USH2A: variants seen among roughly 807,000 people sequenced by gnomAD.
USH2A encodes the protein Usher syndrome 2A (autosomal recessive, mild).
USH2A carries 443 observed loss-of-function variants against 538.9 expected under a neutral mutation model. The ratio of observed to expected loss-of-function variants is 0.82; its 90% CI spans 0.76 to 0.89. The LOEUF is 0.89. Ranked by LOEUF, USH2A falls within the 40% of genes least tolerant of loss-of-function variation. The probability of loss-of-function intolerance (pLI) is 0.00; values close to 1 mark genes in which losing one functional copy is unlikely to be tolerated. For synonymous variants in USH2A, 2,413 were observed against 2,273.5 expected (o/e 1.06, Z -1.75); for missense variants, 6,633 against 6,324.8 (o/e 1.05, Z -1.65).
intron 51 of USH2A, among the ~76,000 whole-genome samples, chr1:215,788,527 G>C (rs1661868121): frequency 1.3e-5 from 2 of 151,888 alleles, no homozygotes; most frequent in South Asian, 4.2e-4. Context: ...AAATTGCTAA[G>C]AGAGTAGATC....
At chr1:215,819,755 T>C (rs1013622032) in intron 47 of USH2A, among the ~76,000 whole-genome samples, 5 of 151,794 alleles carry the variant, frequency 3.3e-5, no homozygotes, top group African/African-American at 1.2e-4. Context: ...GCAACATAAC[T>C]GTTAAGTGAG....
At chr1:215,767,100 A>G (rs1012479018) in intron 55 of USH2A, among the ~76,000 whole-genome samples, 7 of 152,140 alleles carry the variant, frequency 4.6e-5, no homozygotes, top group Non-Finnish European at 7.4e-5. Context: ...GGATCAGAGC[A>G]CTCCGTCTCT....
intron 38 of USH2A, among the ~76,000 whole-genome samples, chr1:215,919,878 C>G (rs1053126890): frequency 1.3e-5 from 2 of 151,928 alleles, no homozygotes; most frequent in Admixed American, 6.6e-5. Flanking sequence ...GTCACTAGTT[C>G]TACAATAGAA....
chr1:216,415,844 A>G (rs2039569709), intron 3 of USH2A, among the ~76,000 whole-genome samples: 1 of 151,936 alleles, frequency 6.6e-6, no homozygotes, highest in Admixed American at 6.6e-5. Flanking sequence ...TTCTTATAAC[A>G]ACTTTTGAGT....
chr1:216,274,839 C>T (rs1380949959), intron 11 of USH2A, among the ~76,000 whole-genome samples: 2 of 152,124 alleles, frequency 1.3e-5, no homozygotes, highest in Non-Finnish European at 2.9e-5. Context: ...ATTTTTATAG[C>T]TCCTCTTCCC....
chr1:215,933,295 C>T (rs763790375), intron 38 of USH2A, among the ~76,000 whole-genome samples: 4 of 151,764 alleles, frequency 2.6e-5, no homozygotes, highest in Non-Finnish European at 5.9e-5. Context: ...GATATGAATA[C>T]CTAAGGTTTA....
At chr1:216,279,644 T>C (rs2036734957) in intron 11 of USH2A, among the ~76,000 whole-genome samples, 1 of 152,108 alleles carries the variant, frequency 6.6e-6, no homozygotes, top group African/African-American at 2.4e-5. Flanking sequence ...CACATGTGCA[T>C]TAAAAGTTTG....
At chr1:216,388,219 T>C (rs2039038530) in intron 3 of USH2A, among the ~76,000 whole-genome samples, 1 of 152,212 alleles carries the variant, frequency 6.6e-6, no homozygotes, top group Non-Finnish European at 1.5e-5. Flanking sequence ...AAAATGTGTC[T>C]TCAGATTGAG....
chr1:216,251,077 T>C lies in USH2A; in HGVS notation c.1993A>G (p.Lys665Glu), dbSNP rs749791724. 1.9e-6 allele frequency: 3 copies of C among 1,614,072 alleles called. No individual in the cohort carries two copies. Among genetic ancestry groups the C allele is most frequent in the Admixed American group, 3.3e-5 (2 of 60,018 alleles). Residue 665 changes from lysine to glutamate, a missense_variant, in exon 12 of 72, where the codon AAG (lysine) becomes GAG (glutamate). By Grantham distance (56) the Lys-to-Glu change is moderately conservative. Transcript: ENST00000307340. ...CACTGCCTGCCAGACACGTGTCTCT[T>C]ACAATTACACTGTCCTCCAATCTAG... Reference protein sequence around the residue: ...CDQIGGQCNCKRHVSGRQCNQ... With the variant: ...CDQIGGQCNCERHVSGRQCNQ...
chr1:216,270,710 ATT>A (rs11351472), intron 11 of USH2A, among the ~76,000 whole-genome samples: 31,364 of 148,136 alleles, frequency 0.21, 3,547 homozygotes, highest in Middle Eastern at 0.28. Flanking sequence ...ATTCATTCCA[ATT>A]TTTTTTTTTT....
chr1:215,686,088 C>T (rs1266074595), intron 61 of USH2A, among the ~76,000 whole-genome samples: 1 of 152,124 alleles, frequency 6.6e-6, no homozygotes, highest in Non-Finnish European at 1.5e-5. Context: ...TTAGCAGTTT[C>T]TCAGCAGCTG....
At chr1:215,974,902 A>G (rs188914826) in intron 35 of USH2A, among the ~76,000 whole-genome samples, 278 of 152,240 alleles carry the variant, frequency 1.8e-3, no homozygotes, top group African/African-American at 6.5e-3. Flanking sequence ...AAGTTCTTTG[A>G]AAAACCTTCA....
At chr1:216,354,699 A>G (rs1320316959) in intron 4 of USH2A, among the ~76,000 whole-genome samples, 1 of 152,134 alleles carries the variant, frequency 6.6e-6, no homozygotes, top group Non-Finnish European at 1.5e-5. Flanking sequence ...AACACAAAAA[A>G]GAGTGGGGAA....
At chr1:215,992,110 G>A (rs1030966652) in intron 35 of USH2A, among the ~76,000 whole-genome samples, 4 of 152,108 alleles carry the variant, frequency 2.6e-5, no homozygotes, top group African/African-American at 7.2e-5. Flanking sequence ...TAATATCATA[G>A]TAAACATAAG....
At chr1:216,080,522 A>T (rs1326225495) in intron 26 of USH2A, among the ~76,000 whole-genome samples, 1 of 152,088 alleles carries the variant, frequency 6.6e-6, no homozygotes, top group Non-Finnish European at 1.5e-5. Flanking sequence ...CATTTTAGGG[A>T]CTGAAGTGAG....
chr1:215,855,461 A>G (rs1019851426), intron 44 of USH2A, among the ~76,000 whole-genome samples: 11 of 152,206 alleles, frequency 7.2e-5, no homozygotes, highest in African/African-American at 2.7e-4. Flanking sequence ...AAAGACCTCT[A>G]TAAGGAAAAC....
At chr1:215,688,561 T>G (rs1571959491) in intron 61 of USH2A, among the ~76,000 whole-genome samples, 3 of 152,120 alleles carry the variant, frequency 2.0e-5, no homozygotes, top group African/African-American at 7.2e-5. Context: ...TTCATTTTCT[T>G]GCAATTCTTG....
rs1553261898 is a variant in USH2A at position 215,786,738 on chromosome 1, AT to A, written c.10318del (p.Ile3440LeufsTer17). On this transcript the variant is annotated frameshift_variant, in exon 52 of 72. Transcript: ENST00000307340. LOFTEE classifies it high-confidence loss of function. The part of the protein sequence containing the change: ...GSHNSTGKAS[I>X]EEMCSSAEET... ...TTCGGCAGATGAACACATTTCTTCA[AT>A]TGATGCCTTCCCTGTGGAATTGTGA... 1 of 1,614,010 alleles carries A rather than the reference AT, an allele frequency of 6.2e-7. No homozygotes were observed. The highest frequency in any genetic ancestry group is 1.1e-5 in the South Asian group (1 of 91,080).
At chr1:216,142,044 A>T (rs1254290173) in intron 21 of USH2A, among the ~76,000 whole-genome samples, 1 of 152,076 alleles carries the variant, frequency 6.6e-6, no homozygotes, top group Non-Finnish European at 1.5e-5. Flanking sequence ...ATTTCCCCCC[A>T]AGCAAAGTTT....
Sources: allele counts gnomAD v4.1 joint callset (sites outside exome capture counted in the v4.1 genomes callset), GRCh38; gene constraint gnomAD v4.1.1; transcripts MANE v1.5; gene names NCBI Gene and HGNC (gene_info 2026-07-23, HGNC 2026-07-21).